The following DLG2 variants were observed in gnomAD, a reference collection of about 807,000 sequenced individuals.
DLG2 encodes discs large MAGUK scaffold protein 2, also known as disks large homolog 2.
DLG2 carries 45 observed loss-of-function variants against 132.5 expected under a neutral mutation model. The ratio of observed to expected loss-of-function variants is 0.34; its 90% confidence interval spans 0.27 to 0.44. The LOEUF is 0.44. Ranked by LOEUF, DLG2 falls within the 20% of genes least tolerant of loss-of-function variation. The probability of loss-of-function intolerance (pLI) is 1.00; values close to 1 mark genes in which losing one functional copy is unlikely to be tolerated. For missense variants in DLG2, 1,045 were observed against 1,196.9 expected (o/e 0.87, Z 1.87); for synonymous variants, 424 against 419.6 (o/e 1.01, Z -0.13).
chr11:84,863,283 C>T (rs1397911905), intron 6 of DLG2, among the ~76,000 whole-genome samples: 1 of 152,046 alleles, frequency 6.6e-6, no homozygotes, highest in Non-Finnish European at 1.5e-5. Context: ...CCATTTAGAT[C>T]TTTACTATGG....
At chr11:83,995,228 T>A (rs978408802) in intron 11 of DLG2, among the ~76,000 whole-genome samples, 9 of 152,078 alleles carry the variant, frequency 5.9e-5, no homozygotes, top group Non-Finnish European at 1.0e-4. Context: ...GTGGAAAGAA[T>A]TATAAATAAA....
At chr11:84,223,075 T>C (rs2096938263) in intron 8 of DLG2, among the ~76,000 whole-genome samples, 1 of 152,200 alleles carries the variant, frequency 6.6e-6, no homozygotes, top group African/African-American at 2.4e-5. Context: ...TAGGATCTAT[T>C]ATTGTTCAGC....
At chr11:85,618,948 A>G (rs903280616) in intron 2 of DLG2, among the ~76,000 whole-genome samples, 1 of 152,242 alleles carries the variant, frequency 6.6e-6, no homozygotes, top group African/African-American at 2.4e-5. Flanking sequence ...AGTCATTAGC[A>G]TATGCTTTGT....
At chr11:84,151,067 T>C (rs1463297054) in intron 9 of DLG2, among the ~76,000 whole-genome samples, 1 of 152,126 alleles carries the variant, frequency 6.6e-6, no homozygotes, top group East Asian at 1.9e-4. Context: ...GGCTTGAAGT[T>C]GTCTTTTTTG....
At chr11:83,627,150 T>C (rs1013388363) in intron 19 of DLG2, among the ~76,000 whole-genome samples, 1 of 152,070 alleles carries the variant, frequency 6.6e-6, no homozygotes, top group Non-Finnish European at 1.5e-5. Context: ...AAATTCACTA[T>C]TTTATTTAAT....
chr11:85,412,878 T>A (rs1002422320), intron 3 of DLG2, among the ~76,000 whole-genome samples: 3 of 151,664 alleles, frequency 2.0e-5, no homozygotes, highest in Non-Finnish European at 4.4e-5. Context: ...AACATGTGTG[T>A]GCAAATATCT....
chr11:83,570,384 G>A (rs1034669982), intron 19 of DLG2, among the ~76,000 whole-genome samples: 1 of 152,148 alleles, frequency 6.6e-6, no homozygotes, highest in African/African-American at 2.4e-5. Context: ...CCTGTAAACT[G>A]CAAATGACTA....
At chr11:85,111,962 T>C (rs557078012) in intron 5 of DLG2, among the ~76,000 whole-genome samples, 2 of 152,238 alleles carry the variant, frequency 1.3e-5, no homozygotes, top group East Asian at 3.9e-4. Context: ...ACTAGGTTTC[T>C]GGCACCAGGC....
chr11:84,230,738 A>T (rs2097080534), intron 8 of DLG2, among the ~76,000 whole-genome samples: 2 of 152,198 alleles, frequency 1.3e-5, no homozygotes, highest in Admixed American at 6.5e-5. Context: ...AAGAAAAAAA[A>T]TTATGCAATT....
chr11:84,574,556 C>A (rs74888106), intron 6 of DLG2, among the ~76,000 whole-genome samples: 1,887 of 152,228 alleles, frequency 0.012, 37 homozygotes, highest in African/African-American at 0.043. Flanking sequence ...TCCTTAAAAT[C>A]TTTGCCTGTG....
At chr11:85,413,452 G>C (rs534814224) in intron 3 of DLG2, among the ~76,000 whole-genome samples, 2 of 151,998 alleles carry the variant, frequency 1.3e-5, no homozygotes, top group East Asian at 3.9e-4. Flanking sequence ...GTTTGTTTTT[G>C]GGTTCTTGGT....
At chr11:84,640,952 C>CAAA (rs34851864) in intron 6 of DLG2, among the ~76,000 whole-genome samples, 3 of 85,442 alleles carry the variant, frequency 3.5e-5, no homozygotes, top group Admixed American at 1.1e-4. Context: ...AACAAACAAA[C>CAAA]AAAAAAAAAA....
chr11:85,140,505 T>A (rs2076396205), intron 5 of DLG2, among the ~76,000 whole-genome samples: 1 of 151,848 alleles, frequency 6.6e-6, no homozygotes, highest in Non-Finnish European at 1.5e-5. Context: ...GGTACAAGCA[T>A]AAAATGTTTA....
At chr11:83,971,388 G>A (rs1301415165) in intron 12 of DLG2, among the ~76,000 whole-genome samples, 1 of 152,152 alleles carries the variant, frequency 6.6e-6, no homozygotes, top group Admixed American at 6.6e-5. Flanking sequence ...GCAGACAAAG[G>A]AAGGCAAACC....
chr11:84,168,166 C>A (rs1417718035), intron 8 of DLG2, among the ~76,000 whole-genome samples: 3 of 152,136 alleles, frequency 2.0e-5, no homozygotes, highest in African/African-American at 7.2e-5. Context: ...AACACACAAC[C>A]TTTAAAGAGG....
At chr11:84,877,429 CA>C (rs1055184092) in intron 6 of DLG2, among the ~76,000 whole-genome samples, 10 of 151,146 alleles carry the variant, frequency 6.6e-5, no homozygotes, top group African/African-American at 2.2e-4. Flanking sequence ...ATCCCTTTAC[CA>C]TTATGTAATG....
chr11:83,526,995 C>T (rs1425941468), intron 21 of DLG2, among the ~76,000 whole-genome samples: 1 of 152,152 alleles, frequency 6.6e-6, no homozygotes, highest in Non-Finnish European at 1.5e-5. Context: ...CTCCACATTA[C>T]TTATCAAGCT....
chr11:83,530,533 C>T (rs182938315), intron 21 of DLG2, among the ~76,000 whole-genome samples: 52 of 151,616 alleles, frequency 3.4e-4, no homozygotes, highest in South Asian at 1.0e-3. Context: ...AAAAAGAGAA[C>T]GGGAAGAGAG....
intron 3 of DLG2, among the ~76,000 whole-genome samples, chr11:85,545,801 T>C (rs1369798902): frequency 6.6e-6 from 1 of 152,230 alleles, no homozygotes; most frequent in African/African-American, 2.4e-5. Flanking sequence ...TATTCTCTGA[T>C]GGTAGTTTGT....
Sources: gnomAD v4.1 joint callset for allele counts (sites outside exome capture counted in the v4.1 genomes callset) on GRCh38, gnomAD v4.1.1 for gene constraint, MANE v1.5 for transcripts, NCBI Gene and HGNC (gene_info 2026-07-23, HGNC 2026-07-21) for gene names.